PPFIA2: variants seen among roughly 807,000 people sequenced by gnomAD.
PPFIA2 encodes PPFI scaffold protein A2, also known as liprin-alpha-2.
In PPFIA2, 46 loss-of-function variants were observed where a neutral mutation model predicts 175.5. That is an observed-to-expected ratio of 0.26 (90% CI 0.21 to 0.34). The LOEUF is 0.34. Ranked by LOEUF, PPFIA2 falls within the 10% of genes least tolerant of loss-of-function variation. The pLI is 1.00. For missense variants in PPFIA2, 1,179 were observed against 1,506.1 expected (o/e 0.78, Z 3.60); for synonymous variants, 568 against 511.4 (o/e 1.11, Z -1.49).
chr12:81,475,928 G>T (rs1336362265), intron 4 of PPFIA2, among the ~76,000 whole-genome samples: 1 of 152,134 alleles, frequency 6.6e-6, no homozygotes. Context: ...AGCCAGGATG[G>T]TCTCAATCAC....
At chr12:81,662,024 A>T (rs11513924) in intron 4 of PPFIA2, among the ~76,000 whole-genome samples, 1 of 151,930 alleles carries the variant, frequency 6.6e-6, no homozygotes, top group Admixed American at 6.6e-5. Flanking sequence ...ACAACATACC[A>T]GAATCTCTGG....
At chr12:81,516,972 T>A (rs1251129529) in intron 4 of PPFIA2, among the ~76,000 whole-genome samples, 1 of 152,160 alleles carries the variant, frequency 6.6e-6, no homozygotes, top group African/African-American at 2.4e-5. Context: ...ATGTTGATAA[T>A]CTTAGACATG....
At chr12:81,385,258 A>G (rs1278441665) in intron 8 of PPFIA2, among the ~76,000 whole-genome samples, 2 of 152,140 alleles carry the variant, frequency 1.3e-5, no homozygotes, top group Admixed American at 1.3e-4. Context: ...TGCTACTAGT[A>G]AAAATGTAAA....
chr12:81,481,865 G>A (rs1395737683), intron 4 of PPFIA2, among the ~76,000 whole-genome samples: 2 of 151,930 alleles, frequency 1.3e-5, no homozygotes, highest in African/African-American at 2.4e-5. Context: ...CAAAAGCAAG[G>A]GCAACAAAAG....
chr12:81,347,893 C>A, intron 17 of PPFIA2, 123 bp from the exon 18 acceptor site: 3 of 1,348,606 alleles, frequency 2.2e-6, no homozygotes, highest in Non-Finnish European at 2.9e-6. Context: ...CATTTTACAT[C>A]AAATCTAATT....
At chr12:81,720,874 A>C (rs1322015592) in intron 3 of PPFIA2, among the ~76,000 whole-genome samples, 1 of 151,256 alleles carries the variant, frequency 6.6e-6, no homozygotes, top group African/African-American at 2.4e-5. Flanking sequence ...GTTACTTACA[A>C]CCAAAGATCC....
chr12:81,758,538 C>A, intron 1 of PPFIA2, 31 bp from the exon 2 acceptor site: 1 of 410,210 alleles, frequency 2.4e-6, no homozygotes, highest in Non-Finnish European at 5.0e-6. Context: ...GCAGCTCAGA[C>A]ACACGCGTGC....
intron 4 of PPFIA2, among the ~76,000 whole-genome samples, chr12:81,562,566 G>C (rs2070331202): frequency 6.6e-6 from 1 of 152,058 alleles, no homozygotes; most frequent in South Asian, 2.1e-4. Context: ...AGTATGTTGA[G>C]GCCGGGCGCG....
At chr12:81,547,743 T>C (rs2153360535) in intron 4 of PPFIA2, among the ~76,000 whole-genome samples, 1 of 152,252 alleles carries the variant, frequency 6.6e-6, no homozygotes, top group Non-Finnish European at 1.5e-5. Flanking sequence ...ATGTGAGTAA[T>C]ATTTTAACCA....
chr12:81,728,309 CA>C (rs1227213643), intron 3 of PPFIA2, among the ~76,000 whole-genome samples: 6 of 151,354 alleles, frequency 4.0e-5, no homozygotes, highest in Admixed American at 3.3e-4. Context: ...TCATGACTTT[CA>C]ATCACATAAA....
chr12:81,632,196 AT>A (rs1182617214), intron 4 of PPFIA2, among the ~76,000 whole-genome samples: 1 of 152,162 alleles, frequency 6.6e-6, no homozygotes, highest in Non-Finnish European at 1.5e-5. Flanking sequence ...AATACTCTCA[AT>A]ATAAAAGGAA....
chr12:81,727,272 C>A (rs953576697), intron 3 of PPFIA2, among the ~76,000 whole-genome samples: 1 of 151,292 alleles, frequency 6.6e-6, no homozygotes, highest in Non-Finnish European at 1.5e-5. Flanking sequence ...ATTCATAGTA[C>A]TAGGAGTCAG....
chr12:81,676,690 T>A (rs1398514369), intron 4 of PPFIA2, 101 bp downstream of exon 4: 1 of 730,966 alleles, frequency 1.4e-6, no homozygotes, highest in Non-Finnish European at 2.0e-6. Context: ...TTATAAAAAG[T>A]ACCTGCATAT....
intron 4 of PPFIA2, among the ~76,000 whole-genome samples, chr12:81,674,673 A>T (rs1578962): frequency 0.13 from 19,372 of 151,792 alleles, 1,463 homozygotes; most frequent in East Asian, 0.3. Flanking sequence ...TCTCAAAAAA[A>T]TTTTTTTTTA....
chr12:81,367,207 T>A, intron 13 of PPFIA2, 37 bp from the exon 14 acceptor site: 1 of 1,240,588 alleles, frequency 8.1e-7, no homozygotes, highest in Non-Finnish European at 1.1e-6. Flanking sequence ...ATTAATAAAT[T>A]AAACATAAAA....
At chr12:81,263,549 C>A (rs911552495) in intron 30 of PPFIA2, among the ~76,000 whole-genome samples, 159 bp from the exon 31 acceptor site, 1 of 152,102 alleles carries the variant, frequency 6.6e-6, no homozygotes, top group Admixed American at 6.5e-5. Context: ...TTCTATGATT[C>A]CAAAACAAGA....
intron 4 of PPFIA2, among the ~76,000 whole-genome samples, chr12:81,486,598 AT>A (rs901453419): frequency 6.6e-6 from 1 of 151,800 alleles, no homozygotes; most frequent in Non-Finnish European, 1.5e-5. Context: ...TTGCACAAAG[AT>A]TTTCAAATTT....
At chr12:81,455,950 A>AGGG (rs1295472781) in intron 5 of PPFIA2, among the ~76,000 whole-genome samples, 2 of 152,224 alleles carry the variant, frequency 1.3e-5, no homozygotes, top group African/African-American at 4.8e-5. Flanking sequence ...GAAAGGAGTA[A>AGGG]GGGGCTGAAG....
At chr12:81,756,939 A>G (rs1225099597) in intron 2 of PPFIA2, among the ~76,000 whole-genome samples, 1 of 152,180 alleles carries the variant, frequency 6.6e-6, no homozygotes, top group Non-Finnish European at 1.5e-5. Context: ...TGCTGCTTAT[A>G]CCTTGCAGTC....
Sources: allele counts gnomAD v4.1 joint callset (sites outside exome capture counted in the v4.1 genomes callset), GRCh38; gene constraint gnomAD v4.1.1; transcripts MANE v1.5; gene names NCBI Gene and HGNC (gene_info 2026-07-23, HGNC 2026-07-21).